The following BBS9 variants were observed in gnomAD, a reference collection of about 807,000 sequenced individuals.
BBS9 encodes the protein protein PTHB1.
BBS9 carries 89 observed loss-of-function variants against 117.7 expected under a neutral mutation model. That is an observed-to-expected ratio of 0.76 (90% CI 0.64 to 0.90). The LOEUF is 0.90. BBS9 is among the 40% of genes least tolerant of loss of function. The pLI is 0.00. For synonymous variants in BBS9, 379 were observed against 370.9 expected (o/e 1.02, Z -0.25); for missense variants, 982 against 1,042.2 (o/e 0.94, Z 0.80).
At chr7:33,621,124 A>C (rs186005575) in intron 21 of BBS9, among the ~76,000 whole-genome samples, 1 of 152,332 alleles carries the variant, frequency 6.6e-6, no homozygotes, top group East Asian at 1.9e-4. Context: ...AATGGAAAAC[A>C]TAAGGAAAAG....
chr7:33,571,815 T>G lies in BBS9; in HGVS notation c.2522-33050T>G, dbSNP rs1294151925. ...TTAATTTTTACATATAGATAATATT[T>G]GTACATACCATAAATATGTAGTACA... On this transcript the variant is annotated intron_variant, in intron 21 of 22. Transcript: ENST00000242067. Among the ~76,000 whole-genome samples, 4 of 152,054 alleles carry G rather than the reference T, an allele frequency of 2.6e-5. No homozygotes were observed. The East Asian group carries it at 7.7e-4, about 29-fold the overall frequency.
intron 21 of BBS9, among the ~76,000 whole-genome samples, chr7:33,556,017 C>G (rs1463781734): frequency 6.6e-6 from 1 of 152,122 alleles, no homozygotes; most frequent in Non-Finnish European, 1.5e-5. Flanking sequence ...TACATGATTA[C>G]TATTTTTGTT....
At chr7:33,326,993 G>A (rs887235454) in intron 9 of BBS9, among the ~76,000 whole-genome samples, 1 of 152,106 alleles carries the variant, frequency 6.6e-6, no homozygotes, top group Non-Finnish European at 1.5e-5. Flanking sequence ...CCAATCTGGT[G>A]TCTTATTAAG....
At chr7:33,146,020 T>A (rs1252175321) in intron 1 of BBS9, among the ~76,000 whole-genome samples, 1 of 152,240 alleles carries the variant, frequency 6.6e-6, no homozygotes, top group Non-Finnish European at 1.5e-5. Flanking sequence ...TAGCACAACA[T>A]AAATGTATAA....
At chr7:33,282,230 A>G (rs1802045774) in intron 9 of BBS9, among the ~76,000 whole-genome samples, 1 of 152,216 alleles carries the variant, frequency 6.6e-6, no homozygotes, top group Non-Finnish European at 1.5e-5. Flanking sequence ...AAAATAAAAT[A>G]CCTTTTTATT....
At chr7:33,343,252 A>G (rs540982467) in intron 11 of BBS9, among the ~76,000 whole-genome samples, 1 of 152,304 alleles carries the variant, frequency 6.6e-6, no homozygotes, top group South Asian at 2.1e-4. Flanking sequence ...TAACGGTATT[A>G]TTAGAAAATA....
intron 1 of BBS9, among the ~76,000 whole-genome samples, chr7:33,140,314 G>A (rs1207289785): frequency 3.3e-5 from 5 of 152,082 alleles, no homozygotes; most frequent in African/African-American, 9.7e-5. Flanking sequence ...ATGAGCCACC[G>A]CACCCAGCCG....
At chr7:33,477,721 A>G (rs1450097566) in intron 19 of BBS9, among the ~76,000 whole-genome samples, 1 of 152,192 alleles carries the variant, frequency 6.6e-6, no homozygotes, top group East Asian at 1.9e-4. Context: ...TAAGTATAGC[A>G]TTAGGTTGTT....
chr7:33,335,952 G>A (rs1405885812), intron 9 of BBS9, among the ~76,000 whole-genome samples: 1 of 152,052 alleles, frequency 6.6e-6, no homozygotes, highest in African/African-American at 2.4e-5. Flanking sequence ...CAAGACCTCC[G>A]ATGGCTTCCC....
At chr7:33,471,137 A>G (rs1017666326) in intron 19 of BBS9, among the ~76,000 whole-genome samples, 1 of 152,180 alleles carries the variant, frequency 6.6e-6, no homozygotes, top group Non-Finnish European at 1.5e-5. Context: ...TCCAGTGGCT[A>G]GTTATCTAAT....
chr7:33,209,503 T>G (rs1383875834), intron 5 of BBS9, among the ~76,000 whole-genome samples: 2 of 152,126 alleles, frequency 1.3e-5, no homozygotes, highest in East Asian at 3.9e-4. Context: ...TATTTTTGAT[T>G]TTTTGTGGAA....
chr7:33,480,716 G>A (rs1455024512), intron 19 of BBS9, among the ~76,000 whole-genome samples: 1 of 152,198 alleles, frequency 6.6e-6, no homozygotes, highest in Non-Finnish European at 1.5e-5. Context: ...ATTCATAGAT[G>A]TATAGCAATA....
chr7:33,447,663 G>A (rs777736046), intron 19 of BBS9, among the ~76,000 whole-genome samples: 3 of 152,162 alleles, frequency 2.0e-5, no homozygotes, highest in African/African-American at 4.8e-5. Flanking sequence ...TGATGCCTGC[G>A]GAATGATTAG....
chr7:33,325,897 C>T (rs530022705), intron 9 of BBS9, among the ~76,000 whole-genome samples: 2 of 152,262 alleles, frequency 1.3e-5, no homozygotes, highest in South Asian at 4.1e-4. Flanking sequence ...GACACAAGGA[C>T]TCCCATGGCC....
intron 5 of BBS9, among the ~76,000 whole-genome samples, chr7:33,236,858 T>C (rs969317150): frequency 9.9e-5 from 15 of 152,102 alleles, no homozygotes; most frequent in Admixed American, 8.5e-4. Flanking sequence ...CGCAGTACAA[T>C]AGATCATTAA....
rs150084204 is a variant in BBS9 at position 33,617,095 on chromosome 7, T to C, written c.2522-18082T>C. Reference sequence around the variant, plus strand: ...TTCCATAGTGTATATATAAATATACTATATTTTCTTTATCCCATCATCCAT... The same window carrying C: ...TTCCATAGTGTATATATAAATATACCATATTTTCTTTATCCCATCATCCAT... On this transcript the variant is annotated intron_variant, in intron 21 of 21. Transcript: ENST00000671952. Among the ~76,000 whole-genome samples the C allele has an allele frequency of 5.2e-3, 796 of 152,200 alleles. 7 individuals are homozygous for C. Among genetic ancestry groups the C allele is most frequent in the African/African-American group, 0.019 (778 of 41,528 alleles).
chr7:33,223,441 A>T (rs1790651799), intron 5 of BBS9, among the ~76,000 whole-genome samples: 1 of 152,212 alleles, frequency 6.6e-6, no homozygotes, highest in South Asian at 2.1e-4. Flanking sequence ...TAGTTGTCTA[A>T]CAACAACTTT....
intron 19 of BBS9, among the ~76,000 whole-genome samples, chr7:33,464,302 G>A (rs1300720973): frequency 3.3e-5 from 5 of 152,032 alleles, no homozygotes; most frequent in Non-Finnish European, 7.4e-5. Flanking sequence ...AAAACTAAGG[G>A]TTGTAGATCA....
chr7:33,580,720 TC>T (rs893496474), intron 21 of BBS9, among the ~76,000 whole-genome samples: 7 of 152,194 alleles, frequency 4.6e-5, no homozygotes, highest in Non-Finnish European at 8.8e-5. Flanking sequence ...ATTCATCTCT[TC>T]CAGAAATAGC....
Sources: gnomAD v4.1 joint callset for allele counts (sites outside exome capture counted in the v4.1 genomes callset) on GRCh38, gnomAD v4.1.1 for gene constraint, MANE v1.5 for transcripts, NCBI Gene and HGNC (gene_info 2026-07-23, HGNC 2026-07-21) for gene names.